Variants in MKLN1 observed in about 807,000 individuals in gnomAD.
MKLN1 encodes muskelin 1.
A neutral mutation model predicts 99.0 loss-of-function variants in MKLN1; 18 were observed. The observed-to-expected ratio is 0.18, with a 90% CI of 0.13 to 0.27. The LOEUF (loss-of-function observed/expected upper bound fraction) is 0.27, where lower values mean the gene tolerates loss of function less well. Ranked by LOEUF, MKLN1 falls within the 10% of genes least tolerant of loss-of-function variation. MKLN1 has a pLI of 1.00. For missense variants in MKLN1, 621 were observed against 875.9 expected, an observed-to-expected ratio of 0.71 and a Z score of 3.67; for synonymous variants, 288 against 293.2, an observed-to-expected ratio of 0.98 and a Z score of 0.18.
chr7:131,156,254 G>A lies in MKLN1; in HGVS notation c.-297+13313G>A, dbSNP rs567215958. Among the ~76,000 whole-genome samples, 34 of 151,946 alleles carry A rather than the reference G, an allele frequency of 2.2e-4. 1 individual carries two copies. The East Asian group carries it at 6.0e-3, about 27-fold the overall frequency. On this transcript the variant is annotated intron_variant, in intron 2 of 7. Coordinates refer to the MKLN1 transcript ENST00000416992. ...GAAAGTGACAAGTATTCGACCAGGCGCGGTGGCTCACTCCTGTAATCCCAG... is the reference window on the plus strand; with the variant it reads ...GAAAGTGACAAGTATTCGACCAGGCACGGTGGCTCACTCCTGTAATCCCAG...
At chr7:131,218,409 G>A (rs144639660) in intron 3 of MKLN1, among the ~76,000 whole-genome samples, 1 of 152,312 alleles carries the variant, frequency 6.6e-6, no homozygotes, top group African/African-American at 2.4e-5. Context: ...TTAGTTATAT[G>A]AAAGTGGTTT....
chr7:131,190,995 AC>A (rs1450876485), intron 2 of MKLN1, among the ~76,000 whole-genome samples: 1 of 152,130 alleles, frequency 6.6e-6, no homozygotes, highest in Non-Finnish European at 1.5e-5. Context: ...TGGAGTGAGG[AC>A]CGAGACTCTC....
chr7:131,486,596 A>G (rs1797284378), intron 17 of MKLN1, among the ~76,000 whole-genome samples: 2 of 152,114 alleles, frequency 1.3e-5, no homozygotes, highest in Non-Finnish European at 2.9e-5. Context: ...GTCTGATCTG[A>G]AGTCACTTTC....
At chr7:131,288,540 G>C (rs1798166681) in intron 3 of MKLN1, among the ~76,000 whole-genome samples, 1 of 151,638 alleles carries the variant, frequency 6.6e-6, no homozygotes, top group South Asian at 2.1e-4. Context: ...TTTCAGAACG[G>C]AGAGATATAC....
intron 9 of MKLN1, among the ~76,000 whole-genome samples, chr7:131,433,800 G>A (rs994145289): frequency 8.6e-5 from 13 of 151,854 alleles, no homozygotes; most frequent in African/African-American, 3.1e-4. Flanking sequence ...CCAATTTCTA[G>A]AACTGTTGGG....
chr7:131,260,083 T>C (rs1461423399), intron 3 of MKLN1, among the ~76,000 whole-genome samples: 1 of 151,888 alleles, frequency 6.6e-6, no homozygotes. Flanking sequence ...TCTTACTGTG[T>C]CGCCCAGGCT....
At chr7:131,314,096 T>C (rs1259619017) in intron 3 of MKLN1, among the ~76,000 whole-genome samples, 2 of 152,228 alleles carry the variant, frequency 1.3e-5, no homozygotes, top group Non-Finnish European at 2.9e-5. Flanking sequence ...TGTAAACAAC[T>C]GCTGTCAGCC....
At chr7:131,241,276 G>C (rs1797397215) in intron 3 of MKLN1, among the ~76,000 whole-genome samples, 1 of 151,720 alleles carries the variant, frequency 6.6e-6, no homozygotes, top group Non-Finnish European at 1.5e-5. Context: ...TAGTTGGGAG[G>C]CTGAGGCATG....
In MKLN1 at chr7:131,412,377, A is replaced by G. The variant is rs531240236; in HGVS notation, c.781+994A>G. On this transcript the variant is annotated intron_variant, in intron 7 of 17. Coordinates refer to ENST00000352689, the MANE Select transcript of MKLN1 (RefSeq NM_013255.5). ...ATTTGCTAAACCTAGCAAGGCATATAAGAAAAATAGAAAGGCAGAAGACCA... is the reference window on the plus strand; with the variant it reads ...ATTTGCTAAACCTAGCAAGGCATATGAGAAAAATAGAAAGGCAGAAGACCA... Among the ~76,000 whole-genome samples, 3 of 152,348 alleles carry G rather than the reference A, an allele frequency of 2.0e-5. No homozygotes were observed. In the East Asian group the frequency reaches 5.8e-4, roughly 29 times the overall value.
At chr7:131,235,059 A>T (rs1797298563) in intron 3 of MKLN1, among the ~76,000 whole-genome samples, 1 of 152,230 alleles carries the variant, frequency 6.6e-6, no homozygotes, top group Non-Finnish European at 1.5e-5. Context: ...GACATGAAGA[A>T]CACGGGGCTC....
chr7:131,207,622 C>T (rs776242552), intron 3 of MKLN1, among the ~76,000 whole-genome samples: 2 of 152,126 alleles, frequency 1.3e-5, no homozygotes, highest in African/African-American at 2.4e-5. Flanking sequence ...TTTTGCTGCA[C>T]GGTTTCAATG....
At chr7:131,124,663 C>G (rs1222104096) in intron 1 of MKLN1, among the ~76,000 whole-genome samples, 1 of 152,158 alleles carries the variant, frequency 6.6e-6, no homozygotes, top group East Asian at 1.9e-4. Flanking sequence ...CCACCTTGCC[C>G]TCAACACCTC....
intron 16 of MKLN1, among the ~76,000 whole-genome samples, chr7:131,472,947 C>CAAAA (rs34420594): frequency 4.9e-5 from 4 of 81,146 alleles, no homozygotes; most frequent in Non-Finnish European, 1.0e-4. Context: ...GATTCCATCT[C>CAAAA]AAAAAAAAAA....
At chr7:131,447,640 G>A (rs978254413) in intron 12 of MKLN1, among the ~76,000 whole-genome samples, 4 of 152,212 alleles carry the variant, frequency 2.6e-5, no homozygotes, top group Non-Finnish European at 5.9e-5. Flanking sequence ...ATGACAATAT[G>A]TTGAAAATTA....
At chr7:131,291,559 A>G (rs1798217461) in intron 3 of MKLN1, among the ~76,000 whole-genome samples, 1 of 140,694 alleles carries the variant, frequency 7.1e-6, no homozygotes, top group South Asian at 2.2e-4. Context: ...TATATATAAC[A>G]CAGAATACAG....
intron 2 of MKLN1, 135 bp downstream of exon 2, chr7:131,375,628 A>G (rs1487163561): frequency 5.4e-6 from 3 of 553,102 alleles, no homozygotes; most frequent in African/African-American, 1.9e-5. Flanking sequence ...TATTCTCTCT[A>G]TTTTTGCTTG....
intron 3 of MKLN1, among the ~76,000 whole-genome samples, chr7:131,233,456 C>G (rs1584855696): frequency 6.6e-6 from 1 of 151,424 alleles, no homozygotes; most frequent in Non-Finnish European, 1.5e-5. Context: ...CATATTTTCC[C>G]TATGATGCTG....
chr7:131,281,248 T>C (rs557862108), intron 3 of MKLN1, among the ~76,000 whole-genome samples: 5 of 152,144 alleles, frequency 3.3e-5, no homozygotes, highest in African/African-American at 4.8e-5. Context: ...TCAACTTCAT[T>C]TTTTTACAGG....
chr7:131,365,696 G>A (rs185716421), intron 1 of MKLN1, among the ~76,000 whole-genome samples: 159 of 152,218 alleles, frequency 1.0e-3, no homozygotes, highest in South Asian at 3.3e-3. Context: ...TTTATGGGAA[G>A]GGGAGTCTTT....
Sources: gnomAD v4.1 joint callset for allele counts (sites outside exome capture counted in the v4.1 genomes callset) on GRCh38, gnomAD v4.1.1 for gene constraint, MANE v1.5 for transcripts, NCBI Gene and HGNC (gene_info 2026-07-23, HGNC 2026-07-21) for gene names.